The following NPIPB11 variants were observed in gnomAD, a reference collection of about 807,000 sequenced individuals.
NPIPB11 encodes the protein nuclear pore complex-interacting protein family member B11.
Under a neutral mutation model 32.8 loss-of-function variants are expected in NPIPB11, and 17 were observed. The ratio of observed to expected loss-of-function variants is 0.52; its 90% CI spans 0.35 to 0.78. The LOEUF (loss-of-function observed/expected upper bound fraction) is 0.78. NPIPB11 is among the 30% of genes least tolerant of loss of function. The pLI is 0.01. For synonymous variants in NPIPB11, 209 were observed against 398.4 expected (o/e 0.52, Z 5.66); for missense variants, 537 against 1,000.4 (o/e 0.54, Z 6.25).
intron 5 of NPIPB11, among the ~76,000 whole-genome samples, chr16:29,389,367 T>TAAA (rs1175211779): frequency 8.5e-5 from 5 of 58,634 alleles, no homozygotes; most frequent in Non-Finnish European, 1.4e-4. Context: ...ATCTCAAAAT[T>TAAA]AAAAAAAAAA....
intron 3 of NPIPB11, 134 bp downstream of exon 3, chr16:29,393,812 TGC>T (rs1963780091): frequency 8.1e-7 from 1 of 1,230,668 alleles, no homozygotes; most frequent in Admixed American, 2.9e-5. Flanking sequence ...ATAATTCTTA[TGC>T]TAATAAATCA....
At chr16:29,403,362 G>C (rs1383342564) in intron 2 of NPIPB11, among the ~76,000 whole-genome samples, 2 of 146,566 alleles carry the variant, frequency 1.4e-5, no homozygotes, top group African/African-American at 5.1e-5. Flanking sequence ...ACAGGCATGA[G>C]TCACCATGCC....
At chr16:29,382,959 G>A (rs1291056405) in exon 8 of NPIPB11, 2 of 783,202 alleles carry the variant, frequency 2.6e-6, no homozygotes, top group Non-Finnish European at 4.3e-6. Context: ...CATCTGCTGA[G>A]GGTGGAGCTG....
chr16:29,392,625 G>A (rs567206866), intron 3 of NPIPB11, among the ~76,000 whole-genome samples: 11 of 151,628 alleles, frequency 7.3e-5, no homozygotes, highest in Admixed American at 1.3e-4. Context: ...CAGGGGAATC[G>A]CTTGAAGCCA....
At chr16:29,403,911 C>G in intron 1 of NPIPB11, 71 bp from the exon 2 acceptor site, 1 of 752,504 alleles carries the variant, frequency 1.3e-6, no homozygotes, top group Non-Finnish European at 2.1e-6. Flanking sequence ...CTATAGTGGT[C>G]AAGGGCTTCA....
chr16:29,404,636 A>T (rs1390204944), upstream of NPIPB11, among the ~76,000 whole-genome samples: 2 of 150,672 alleles, frequency 1.3e-5, no homozygotes, highest in African/African-American at 2.4e-5. Context: ...CCATAGGTCC[A>T]AGACTGGGTA....
At chr16:29,391,966 C>G (rs1963733019) in intron 3 of NPIPB11, among the ~76,000 whole-genome samples, 1 of 152,052 alleles carries the variant, frequency 6.6e-6, no homozygotes, top group Non-Finnish European at 1.5e-5. Context: ...AGTCATCCAC[C>G]TGCCTCAGCC....
exon 8 of NPIPB11, chr16:29,384,071 C>T (rs1963568785): frequency 8.0e-7 from 1 of 1,249,584 alleles, no homozygotes; most frequent in Admixed American, 2.1e-5. Flanking sequence ...TGAGCAGACA[C>T]TCGGGAGGTG....
At chr16:29,382,315 T>G in exon 8 of NPIPB11, 1 of 1,575,694 alleles carries the variant, frequency 6.3e-7, no homozygotes, top group Non-Finnish European at 8.5e-7. Context: ...TGTCTTGATA[T>G]TATCATCTGC....
rs571606805 is a variant in NPIPB11, at chr16:29,390,422, T to C, written c.250-74A>G. The C allele has an allele frequency of 3.4e-5, 55 of 1,594,706 alleles. No homozygotes were observed. The Middle Eastern group carries it at 6.7e-4, about 20-fold the overall frequency. ...GTATAATCCCAGTACTTCGGGAAGC[T>C]GAGGCAGGTGGATCACGGGGTCAGG... is the stretch of plus-strand genomic sequence containing the variant. On this transcript the variant is annotated intron_variant, in intron 3 of 7. Transcript: ENST00000524087.
At chr16:29,401,596 A>G (rs4017131) in intron 2 of NPIPB11, among the ~76,000 whole-genome samples, 1 of 151,958 alleles carries the variant, frequency 6.6e-6, no homozygotes, top group Non-Finnish European at 1.5e-5. Flanking sequence ...CTGACACCAT[A>G]TGACAGCCTT....
chr16:29,403,218 C>G (rs1443391709), intron 2 of NPIPB11, among the ~76,000 whole-genome samples: 1 of 146,912 alleles, frequency 6.8e-6, no homozygotes, highest in Non-Finnish European at 1.5e-5. Context: ...GCTGGGACTA[C>G]AGGCTCACAC....
chr16:29,400,838 A>T (rs1963971365), intron 2 of NPIPB11, among the ~76,000 whole-genome samples: 1 of 152,090 alleles, frequency 6.6e-6, no homozygotes, highest in African/African-American at 2.4e-5. Context: ...GTTCCATCGG[A>T]GGTGGCAGGT....
At chr16:29,405,691 G>T (rs574589728), upstream of NPIPB11, among the ~76,000 whole-genome samples, 1 of 152,094 alleles carries the variant, frequency 6.6e-6, no homozygotes, top group Non-Finnish European at 1.5e-5. Context: ...CCAGCCCATG[G>T]AGAATAATTT....
At chr16:29,396,354 C>T (rs1304478351) in intron 2 of NPIPB11, among the ~76,000 whole-genome samples, 2 of 150,594 alleles carry the variant, frequency 1.3e-5, no homozygotes, top group South Asian at 2.1e-4. Context: ...CAAAAGAGTA[C>T]CTATGGCATG....
chr16:29,389,784 T>C (rs951897502), intron 5 of NPIPB11, among the ~76,000 whole-genome samples, 157 bp downstream of exon 5: 3 of 150,280 alleles, frequency 2.0e-5, no homozygotes, highest in African/African-American at 7.3e-5. Context: ...AAAGGAATTA[T>C]ACAGCTTAAA....
At chr16:29,383,265 T>G in exon 8 of NPIPB11, 1 of 1,561,898 alleles carries the variant, frequency 6.4e-7, no homozygotes, top group Non-Finnish European at 8.7e-7. Context: ...TGTCTTGAGA[T>G]TATCATCCGC....
At chr16:29,390,574 G>T (rs1165879808) in intron 3 of NPIPB11, among the ~76,000 whole-genome samples, 2 of 150,822 alleles carry the variant, frequency 1.3e-5, no homozygotes, top group Non-Finnish European at 3.0e-5. Context: ...ACCGTTTGAA[G>T]CTGGGAGGCG....
upstream of NPIPB11, among the ~76,000 whole-genome samples, chr16:29,405,610 C>T (rs146506578): frequency 3.9e-4 from 59 of 152,226 alleles, 1 homozygote; most frequent in African/African-American, 1.1e-3. Flanking sequence ...CAATGTCACA[C>T]GGCTAGTAAG....
Sources: gnomAD v4.1 joint callset for allele counts (sites outside exome capture counted in the v4.1 genomes callset) on GRCh38, gnomAD v4.1.1 for gene constraint, MANE v1.5 for transcripts, NCBI Gene and HGNC (gene_info 2026-07-23, HGNC 2026-07-21) for gene names.